ANAPC4: variants seen among roughly 807,000 people sequenced by gnomAD.
The protein encoded by ANAPC4 is anaphase promoting complex subunit 4, also known as anaphase-promoting complex subunit 4.
A neutral mutation model predicts 119.8 loss-of-function variants in ANAPC4; 63 were observed. The observed-to-expected ratio is 0.53, with a 90% CI of 0.43 to 0.65. ANAPC4 has a LOEUF of 0.65. Ranked by LOEUF, ANAPC4 falls within the 30% of genes least tolerant of loss-of-function variation. The pLI is 0.00. For synonymous variants in ANAPC4, 283 were observed against 318.6 expected (o/e 0.89, Z 1.19); for missense variants, 716 against 945.1 (o/e 0.76, Z 3.18).
chr4:25,414,442 A>G (rs775710832), intron 23 of ANAPC4, 24 bp from the exon 24 acceptor site: 2 of 1,599,412 alleles, frequency 1.3e-6, no homozygotes, highest in African/African-American at 2.7e-5. Flanking sequence ...AATTTTTCTC[A>G]TTTCTTTTTC....
intron 20 of ANAPC4, among the ~76,000 whole-genome samples, chr4:25,408,402 C>G (rs1001187120): frequency 4.6e-5 from 7 of 152,048 alleles, no homozygotes; most frequent in South Asian, 2.1e-4. Context: ...CTGAGTCATC[C>G]AGCTGTTCTA....
chr4:25,399,998 G>C (rs73806547), intron 16 of ANAPC4, among the ~76,000 whole-genome samples: 1 of 152,210 alleles, frequency 6.6e-6, no homozygotes, highest in Non-Finnish European at 1.5e-5. Flanking sequence ...GAAACACCAA[G>C]AATAGAATAG....
chr4:25,394,403 T>C, intron 12 of ANAPC4, 29 bp downstream of exon 12: 3 of 1,538,474 alleles, frequency 1.9e-6, no homozygotes, highest in African/African-American at 2.8e-5. Context: ...GTGCTCCTGT[T>C]TTTGCTTCTT....
chr4:25,401,916 G>A (rs75038620), intron 16 of ANAPC4, among the ~76,000 whole-genome samples: 5,598 of 152,182 alleles, frequency 0.037, 338 homozygotes, highest in African/African-American at 0.12. Flanking sequence ...TTTGCAGAGA[G>A]CAGATATAAA....
intron 10 of ANAPC4, among the ~76,000 whole-genome samples, chr4:25,393,030 C>T (rs1217579470): frequency 6.6e-6 from 1 of 152,146 alleles, no homozygotes; most frequent in African/African-American, 2.4e-5. Flanking sequence ...TTCCGTTAGT[C>T]AAAGCGAGAC....
intron 8 of ANAPC4, 55 bp downstream of exon 8, chr4:25,390,275 G>C (rs1722272876): frequency 5.5e-6 from 7 of 1,278,740 alleles, no homozygotes; most frequent in Non-Finnish European, 7.7e-6. Flanking sequence ...GAATATACTA[G>C]GTACTTATGG....
In ANAPC4 at chr4:25,396,655, T is replaced by C; in HGVS notation, c.1062-9T>C. ...ATGATACTAATTTATTTCTGCTCTG[T>C]TTGGATAGTGGCTCGGAGTCTTTAT... On this transcript the variant is annotated splice_polypyrimidine_tract_variant and intron_variant, in intron 14 of 28. Transcript: ENST00000315368. The C allele has an allele frequency of 6.3e-7, 1 of 1,590,878 alleles. No individual in the cohort carries two copies. Among genetic ancestry groups the C allele is most frequent in the Non-Finnish European group, 8.6e-7 (1 of 1,169,036 alleles).
At position 25,388,577 on chromosome 4, in the gene ANAPC4, A is replaced by G. The variant is rs1722165983; in HGVS notation, c.443+3A>G. 6.9e-6 allele frequency: 11 copies of G among 1,595,724 alleles called. No individual in the cohort carries two copies. Among genetic ancestry groups the G allele is most frequent in the Non-Finnish European group, 8.6e-6 (10 of 1,164,486 alleles). ...AAACTACCTACACTGCCAAAAAAGTATGTATCACTGGTTTCTTTGAAATTA... is the reference window on the plus strand; with the variant it reads ...AAACTACCTACACTGCCAAAAAAGTGTGTATCACTGGTTTCTTTGAAATTA... On this transcript the variant is annotated splice_donor_region_variant and intron_variant, in intron 5 of 28. Transcript: ENST00000315368.
In ANAPC4 at chr4:25,388,719, A is replaced by G. The variant is rs942648852; in HGVS notation, c.446A>G (p.Tyr149Cys). The G allele has an allele frequency of 4.4e-6, 7 of 1,606,798 alleles. No individual in the cohort carries two copies. The African/African-American group carries it at 5.4e-5, about 12-fold the overall frequency. ...LPKLPTLPKN[Y>C]SNTSKIFSEE... ...CCTTAATCTCTGTTTCCTTCTAGCT[A>G]TAGCAACACCTCAAAAATATTTAGG... The change falls in exon 6 of 29, where the codon TAT becomes TGT. Residue 149 changes from tyrosine to cysteine, a missense_variant and splice_region_variant. Coordinates refer to ENST00000315368, the MANE Select transcript of ANAPC4 (RefSeq NM_013367.3).
chr4:25,418,230 G>A lies in ANAPC4; in HGVS notation c.2275G>A (p.Asp759Asn), dbSNP rs775029120. Residue 759 changes from aspartate to asparagine, a missense_variant, in exon 29 of 29, where the codon GAT becomes AAT. Coordinates refer to ENST00000315368, the MANE Select transcript of ANAPC4 (RefSeq NM_013367.3). ...TGAATGGGAGCTCGATGAGTCTTCAGATGAAGAGGAGGAGGCCAGTAATAA... is the reference window on the plus strand; with the variant it reads ...TGAATGGGAGCTCGATGAGTCTTCAAATGAAGAGGAGGAGGCCAGTAATAA... ...DDEWELDESS[D>N]EEEEASNKPV... The A allele has an allele frequency of 1.2e-6, 2 of 1,614,112 alleles. No homozygotes were observed. The highest frequency in any genetic ancestry group is 1.7e-5 in the Admixed American group (1 of 60,020).
intron 3 of ANAPC4, among the ~76,000 whole-genome samples, chr4:25,382,258 GT>G (rs1721778085): frequency 1.3e-5 from 2 of 152,282 alleles, no homozygotes; most frequent in South Asian, 4.1e-4. Flanking sequence ...ATGGTTTTCA[GT>G]TTTTGGCTTT....
At chr4:25,414,770 C>T in intron 25 of ANAPC4, 70 bp downstream of exon 25, 1 of 1,305,612 alleles carries the variant, frequency 7.7e-7, no homozygotes, top group Non-Finnish European at 1.0e-6. Context: ...AGCATACAGC[C>T]TTCCAGCATT....
At chr4:25,406,065 T>C (rs1182575002) in intron 18 of ANAPC4, among the ~76,000 whole-genome samples, 1 of 152,180 alleles carries the variant, frequency 6.6e-6, no homozygotes, top group Non-Finnish European at 1.5e-5. Context: ...TCCAGGGAAG[T>C]CTTACGGAAT....
intron 3 of ANAPC4, 73 bp from the exon 4 acceptor site, chr4:25,383,188 C>T: frequency 7.3e-7 from 1 of 1,366,776 alleles, no homozygotes; most frequent in Non-Finnish European, 9.7e-7. Flanking sequence ...TAAAACTGGG[C>T]AATAAGGGAA....
chr4:25,401,705 A>G (rs964236063), intron 16 of ANAPC4, among the ~76,000 whole-genome samples: 4 of 152,182 alleles, frequency 2.6e-5, no homozygotes, highest in African/African-American at 9.7e-5. Flanking sequence ...CACTTTTGAC[A>G]TTTCTGAAAT....
chr4:25,407,302 T>G, intron 20 of ANAPC4, 49 bp downstream of exon 20: 1 of 1,435,200 alleles, frequency 7.0e-7, no homozygotes, highest in Non-Finnish European at 9.5e-7. Flanking sequence ...TCATCTTTGT[T>G]ATCCAAAGTC....
intron 20 of ANAPC4, 120 bp from the exon 21 acceptor site, chr4:25,409,578 T>G: frequency 1.6e-6 from 1 of 644,418 alleles, no homozygotes; most frequent in Non-Finnish European, 2.7e-6. Context: ...AATAAACCGA[T>G]TTTAGGCCCT....
At position 25,377,320 on chromosome 4, in the gene ANAPC4, A is replaced by T. The variant is rs1030524366; in HGVS notation, c.-35A>T. 4 of 1,460,092 alleles carry T rather than the reference A, an allele frequency of 2.7e-6. No homozygotes were observed. Among genetic ancestry groups the T allele is most frequent in the Non-Finnish European group, 3.7e-6 (4 of 1,086,534 alleles). The allele number at this position is 1,460,092 out of a possible 1,614,324, so 90.4% of individuals were successfully genotyped here. ...GGGGAGAGGCCACTGGGGCCGTGTT[A>T]GTCTGCCGGTGGGGACTCTTGCAGG... On this transcript the variant is annotated 5_prime_UTR_variant, in exon 1 of 29. Coordinates refer to ENST00000315368, the MANE Select transcript of ANAPC4 (RefSeq NM_013367.3).
At chr4:25,379,865 A>T (rs1721616536) in intron 2 of ANAPC4, among the ~76,000 whole-genome samples, 1 of 152,150 alleles carries the variant, frequency 6.6e-6, no homozygotes, top group Non-Finnish European at 1.5e-5. Context: ...GGTTGTATAG[A>T]AGCTGCAACG....
Sources: gnomAD v4.1 joint callset for allele counts (sites outside exome capture counted in the v4.1 genomes callset) on GRCh38, gnomAD v4.1.1 for gene constraint, MANE v1.5 for transcripts, NCBI Gene and HGNC (gene_info 2026-07-23, HGNC 2026-07-21) for gene names.